COPS2: variants seen among roughly 807,000 people sequenced by gnomAD.
The protein encoded by COPS2 is COP9 signalosome complex subunit 2.
In COPS2, 10 loss-of-function variants were observed where a neutral mutation model predicts 66.1. That is an observed-to-expected ratio of 0.15 (90% CI 0.09 to 0.26). COPS2 has a LOEUF of 0.26. Among genes scored for constraint, COPS2 ranks in the 10% least tolerant of loss-of-function variants. The probability of loss-of-function intolerance (pLI) is 1.00; values close to 1 mark genes in which losing one functional copy is unlikely to be tolerated. For synonymous variants in COPS2, 179 were observed against 171.3 expected, an observed-to-expected ratio of 1.04 and a Z score of -0.35; for missense variants, 215 against 513.3, an observed-to-expected ratio of 0.42 and a Z score of 5.62.
chr15:49,154,055 G>A (rs1463993107), intron 1 of COPS2, among the ~76,000 whole-genome samples: 2 of 152,088 alleles, frequency 1.3e-5, no homozygotes, highest in Non-Finnish European at 2.9e-5. Context: ...CCTAGACACA[G>A]AAATGATAAA....
intron 4 of COPS2, chr15:49,137,911 T>TA (rs1306434100): frequency 6.4e-6 from 1 of 155,722 alleles, no homozygotes; most frequent in African/African-American, 2.4e-5. Flanking sequence ...TAGAACTAGT[T>TA]GTATTATTAC....
chr15:49,130,633 G>T (rs2084200797), intron 10 of COPS2, 86 bp downstream of exon 10: 1 of 742,604 alleles, frequency 1.3e-6, no homozygotes, highest in Admixed American at 2.1e-5. Flanking sequence ...AAAGAAAACA[G>T]CTTAATGCCA....
intron 9 of COPS2, among the ~76,000 whole-genome samples, chr15:49,133,300 A>G (rs1010402954): frequency 6.6e-6 from 1 of 152,138 alleles, no homozygotes; most frequent in Admixed American, 6.5e-5. Context: ...TCCATTGTAA[A>G]CATTTTTAAA....
rs1000081953 is a variant in COPS2, at chr15:49,139,691, T to C, written c.247-38A>G. ...AAAAATGAATTATCAGATGCAAATT[T>C]AGGTACTAAAATATGTACACATGAT... is the stretch of plus-strand genomic sequence containing the variant. On this transcript the variant is annotated intron_variant, in intron 3 of 12. Coordinates refer to ENST00000388901, the MANE Select transcript of COPS2 (RefSeq NM_004236.4). 3.3e-6 allele frequency: 5 copies of C among 1,508,068 alleles called. No individual in the cohort carries two copies. In the African/African-American group the frequency reaches 7.0e-5, roughly 21 times the overall value. The allele number at this position is 1,508,068 out of a possible 1,614,324, so 93.4% of individuals were successfully genotyped here. A position where few individuals can be genotyped will look rare whatever the true frequency, so the allele number is the denominator to read the frequency against.
Position 49,134,402 on chromosome 15 carries a change from T to C in COPS2, c.653A>G (p.Tyr218Cys). 6.2e-7 allele frequency: 1 copy of C among 1,613,712 alleles called. No homozygotes were observed. Among genetic ancestry groups the C allele is most frequent in the Non-Finnish European group, 8.5e-7 (1 of 1,179,932 alleles). ...AGACTTGATGTGAAGTGACTGTTCATAGAGTGCTTTAAGTTTTTTGTTATT... is the reference window on the plus strand; with the variant it reads ...AGACTTGATGTGAAGTGACTGTTCACAGAGTGCTTTAAGTTTTTTGTTATT... ...QKNNKKLKAL[Y>C]EQSLHIKSAI... The change falls in exon 7 of 13, where the codon TAT (tyrosine) becomes TGT (cysteine). Residue 218 changes from tyrosine (Y) to cysteine (C), a missense_variant. Physicochemically the swap from Tyr to Cys is radical, Grantham distance 194. This residue lies in a region of COPS2 where 90 missense variants were observed against 225.1 expected (regional missense o/e 0.40). Coordinates refer to ENST00000388901, the MANE Select transcript of COPS2 (RefSeq NM_004236.4).
chr15:49,130,697 C>A, intron 10 of COPS2, 22 bp downstream of exon 10: 1 of 1,380,738 alleles, frequency 7.2e-7, no homozygotes, highest in South Asian at 1.2e-5. Context: ...GTAATAGAAT[C>A]CAGTTGGCAG....
intron 1 of COPS2, among the ~76,000 whole-genome samples, chr15:49,152,667 CA>C (rs1360612665): frequency 6.6e-6 from 1 of 151,970 alleles, no homozygotes; most frequent in African/African-American, 2.4e-5. Flanking sequence ...AATAAAAACA[CA>C]AAAAATTAGT....
At chr15:49,139,997 T>C (rs1483398092) in intron 3 of COPS2, among the ~76,000 whole-genome samples, 2 of 151,918 alleles carry the variant, frequency 1.3e-5, no homozygotes, top group Middle Eastern at 3.2e-3. Flanking sequence ...AGTATTTTCT[T>C]TTTTTTTGAG....
At chr15:49,128,227 T>C in intron 12 of COPS2, 133 bp from the exon 13 acceptor site, 2 of 761,238 alleles carry the variant, frequency 2.6e-6, no homozygotes, top group South Asian at 4.0e-5. Context: ...GAGTTCAGTG[T>C]TAGTTTTAAC....
At chr15:49,128,186 G>A (rs1478082791) in intron 12 of COPS2, 92 bp from the exon 13 acceptor site, 7 of 1,264,036 alleles carry the variant, frequency 5.5e-6, no homozygotes, top group Admixed American at 2.4e-5. Context: ...ATCAACAAAT[G>A]CCAAAAAAAA....
At chr15:49,136,156 AT>A (rs11352149) in intron 6 of COPS2, among the ~76,000 whole-genome samples, 2,562 of 152,328 alleles carry the variant, frequency 0.017, 67 homozygotes, top group African/African-American at 0.059. Flanking sequence ...AATGACACAT[AT>A]ATCATTAAAA....
intron 1 of COPS2, 54 bp from the exon 2 acceptor site, chr15:49,145,132 T>C (rs1401925916): frequency 6.3e-6 from 6 of 946,422 alleles, no homozygotes; most frequent in Non-Finnish European, 9.5e-6. Context: ...AACCCACACG[T>C]AGCAACGTAA....
At position 49,123,595 on chromosome 15, in the gene COPS2, T is replaced by C. The variant is rs1377728673; in HGVS notation, c.*4355A>G. 6.6e-6 allele frequency: 1 copy of C among 152,224 alleles called. No homozygotes were observed. The highest frequency in any genetic ancestry group is 2.4e-5 in the African/African-American group (1 of 41,466). The allele number at this position is 152,224 out of a possible 1,614,324, so 9.4% of individuals were successfully genotyped here. On this transcript the variant is annotated 3_prime_UTR_variant, in exon 13 of 13. Coordinates refer to ENST00000388901, the MANE Select transcript of COPS2 (RefSeq NM_004236.4). ...CAAAAAAGTTTTGGTCAGCTATTCATGTGGAAATTCTGAGCAAAGTTCATA... is the reference window on the plus strand; with the variant it reads ...CAAAAAAGTTTTGGTCAGCTATTCACGTGGAAATTCTGAGCAAAGTTCATA...
intron 3 of COPS2, 69 bp downstream of exon 3, chr15:49,144,158 G>T: frequency 1.1e-6 from 1 of 942,766 alleles, no homozygotes; most frequent in Non-Finnish European, 1.7e-6. Context: ...AGATATAATA[G>T]TACTTTGTCG....
At chr15:49,149,255 T>G (rs1174277596) in intron 1 of COPS2, among the ~76,000 whole-genome samples, 2 of 152,218 alleles carry the variant, frequency 1.3e-5, no homozygotes, top group Non-Finnish European at 2.9e-5. Context: ...TGCCACACAA[T>G]TTTAAATCTC....
In COPS2 at chr15:49,128,093, T is replaced by C. The variant is rs747929203; in HGVS notation, c.1189A>G (p.Thr397Ala). ...SLLVQCILDNTIHGRIDQVNQ... is the reference protein window; with the variant it reads ...SLLVQCILDNAIHGRIDQVNQ... ...ACTTGATCAATTCGGCCATGAATAG[T>C]GCTAGAAAGAAATAAATAAGATGTG... Residue 397 changes from threonine (T) to alanine (A), a missense_variant and splice_region_variant, in exon 13 of 13, where the codon ACT (threonine) becomes GCT (alanine). By Grantham distance (58) the Thr-to-Ala change is moderately conservative (BLOSUM62 0). Transcript: ENST00000388901. 1.9e-6 allele frequency: 3 copies of C among 1,612,380 alleles called. No homozygotes were observed. Among genetic ancestry groups the C allele is most frequent in the Non-Finnish European group, 1.7e-6 (2 of 1,179,198 alleles).
chr15:49,137,322 A>G, intron 5 of COPS2, 26 bp downstream of exon 5: 2 of 1,566,550 alleles, frequency 1.3e-6, no homozygotes, highest in Non-Finnish European at 1.8e-6. Flanking sequence ...TTTTCAAAAG[A>G]AAAGTGTAAG....
At chr15:49,129,600 TTGTA>T in intron 10 of COPS2, 41 bp from the exon 11 acceptor site, 2 of 1,028,574 alleles carry the variant, frequency 1.9e-6, no homozygotes, top group Non-Finnish European at 2.8e-6. Context: ...ATTTAACAGT[TTGTA>T]TGATATCTTT....
intron 1 of COPS2, among the ~76,000 whole-genome samples, chr15:49,150,257 A>AAAT (rs1352541451): frequency 1.3e-4 from 20 of 149,838 alleles, no homozygotes; most frequent in East Asian, 5.8e-4. Flanking sequence ...CAAAAAAAAA[A>AAAT]AAAAATAAAT....
Sources: gnomAD v4.1 joint callset for allele counts (sites outside exome capture counted in the v4.1 genomes callset) on GRCh38, gnomAD v4.1.1 for gene constraint, gnomAD v4.1.1 regional missense constraint, MANE v1.5 for transcripts, NCBI Gene and HGNC (gene_info 2026-07-23, HGNC 2026-07-21) for gene names.